Variants in EFCAB13 observed in about 807,000 individuals in gnomAD.
The protein encoded by EFCAB13 is EF-hand calcium binding domain 13.
A neutral mutation model predicts 110.2 loss-of-function variants in EFCAB13; 91 were observed. The observed-to-expected ratio is 0.83, with a 90% CI of 0.70 to 0.98. The LOEUF is 0.98. Among genes scored for constraint, EFCAB13 ranks in the 50% least tolerant of loss-of-function variants. The pLI, the probability that EFCAB13 is intolerant of heterozygous loss-of-function variation, is 0.00. For missense variants in EFCAB13, 968 were observed against 1,119.4 expected, an observed-to-expected ratio of 0.86 and a Z score of 1.93; for synonymous variants, 323 against 369.9, an observed-to-expected ratio of 0.87 and a Z score of 1.45.
intron 9 of EFCAB13, among the ~76,000 whole-genome samples, chr17:47,355,420 A>G (rs1416407871): frequency 1.3e-5 from 2 of 152,200 alleles, no homozygotes; most frequent in East Asian, 3.8e-4. Context: ...TTGGATGTCT[A>G]GATCTCTGAC....
chr17:47,407,214 T>C (rs533699432), intron 20 of EFCAB13, among the ~76,000 whole-genome samples: 2 of 152,342 alleles, frequency 1.3e-5, no homozygotes, highest in African/African-American at 4.8e-5. Flanking sequence ...AGCATACTTT[T>C]GTCTGTAGCA....
intron 24 of EFCAB13, 52 bp downstream of exon 24, chr17:47,430,013 G>C: frequency 6.6e-7 from 1 of 1,516,530 alleles, no homozygotes; most frequent in Non-Finnish European, 8.9e-7. Flanking sequence ...TACCACAGGG[G>C]TGGAAGGTCT....
intron 5 of EFCAB13, among the ~76,000 whole-genome samples, chr17:47,336,334 C>A (rs906244006): frequency 6.6e-6 from 1 of 150,752 alleles, no homozygotes; most frequent in African/African-American, 2.4e-5. Context: ...CTGTGTTGCC[C>A]AGGCTGGAGT....
chr17:47,345,991 G>GTC (rs1291961930), intron 8 of EFCAB13, among the ~76,000 whole-genome samples: 1 of 152,062 alleles, frequency 6.6e-6, no homozygotes, highest in Non-Finnish European at 1.5e-5. Context: ...AAACTTGCTA[G>GTC]TCTGAAATCT....
chr17:47,370,738 G>GTTTTT (rs764924546), intron 11 of EFCAB13, among the ~76,000 whole-genome samples: 13 of 127,194 alleles, frequency 1.0e-4, no homozygotes, highest in African/African-American at 1.8e-4. Flanking sequence ...GTTGTTGTTT[G>GTTTTT]TTTTTTTTTT....
intron 5 of EFCAB13, among the ~76,000 whole-genome samples, chr17:47,336,537 T>C (rs564543225): frequency 6.6e-6 from 1 of 151,826 alleles, no homozygotes; most frequent in African/African-American, 2.4e-5. Flanking sequence ...ATGATCCGCC[T>C]GCTTCTGCCT....
At chr17:47,422,112 AATTCTTTTTAGGAGTGC>A (rs1904740110) in intron 23 of EFCAB13, among the ~76,000 whole-genome samples, 1 of 152,172 alleles carries the variant, frequency 6.6e-6, no homozygotes, top group South Asian at 2.1e-4. Flanking sequence ...TCACAAGTTG[AATTCTTTTTAGGAGTGC>A]AATATTGGTA....
chr17:47,388,969 GT>G (rs2065691355), intron 14 of EFCAB13, among the ~76,000 whole-genome samples: 1 of 151,686 alleles, frequency 6.6e-6, no homozygotes, highest in African/African-American at 2.4e-5. Flanking sequence ...TTTCACTGTG[GT>G]TTTAGTTTTG....
chr17:47,376,986 G>C (rs2065618970), intron 12 of EFCAB13, among the ~76,000 whole-genome samples: 2 of 152,150 alleles, frequency 1.3e-5, no homozygotes, highest in Admixed American at 1.3e-4. Flanking sequence ...CAGTGCATCA[G>C]TAAGAAGCAC....
rs2065542939 is a variant in EFCAB13, at chr17:47,365,917, G to A, written c.805+4396G>A. 2.0e-5 allele frequency among the ~76,000 whole-genome samples: 3 copies of A among 152,104 alleles called. No individual in the cohort carries two copies. In the South Asian group the frequency reaches 6.2e-4, roughly 31 times the overall value. ...GATTTATGTTAGTATATGCTCTGGGGTCTGAGCTATTTTAATATTAAAGGA... is the reference window on the plus strand; with the variant it reads ...GATTTATGTTAGTATATGCTCTGGGATCTGAGCTATTTTAATATTAAAGGA... On this transcript the variant is annotated intron_variant, in intron 10 of 24. Coordinates refer to ENST00000331493, the MANE Select transcript of EFCAB13 (RefSeq NM_152347.5).
rs760035327 is a variant in EFCAB13, at chr17:47,344,222, T to C, written c.364T>C (p.Cys122Arg). 9 of 1,613,248 alleles carry C rather than the reference T, an allele frequency of 5.6e-6. No individual in the cohort carries two copies. The highest frequency in any genetic ancestry group is 6.8e-6 in the Non-Finnish European group (8 of 1,179,450). ...GGTGACAAGGAAAGAAAACTCTTTA[T>C]GCAAGTTGCCGAATCAGTACAGCGT... ...EKVTRKENSLCKLPNQYSVHK... is the reference protein window; with the variant it reads ...EKVTRKENSLRKLPNQYSVHK... Residue 122 changes from cysteine (C) to arginine (R), a missense_variant, in exon 7 of 25, where the codon TGC (cysteine) becomes CGC (arginine). Cys to Arg is a radical substitution (Grantham distance 180). Coordinates refer to ENST00000331493, the MANE Select transcript of EFCAB13 (RefSeq NM_152347.5).
chr17:47,326,254 C>G lies in EFCAB13; in HGVS notation c.-219C>G, dbSNP rs1359745055. 6.6e-6 allele frequency: 1 copy of G among 152,074 alleles called. No homozygotes were observed. Among genetic ancestry groups the G allele is most frequent in the African/African-American group, 2.4e-5 (1 of 41,396 alleles). The allele number at this position is 152,074 out of a possible 1,614,324, so 9.4% of individuals were successfully genotyped here. ...GGAGAGGCTTATGCGGTACCTGATT[C>G]ATCCAGCAAATTAAGACCTGCCAAC... On this transcript the variant is annotated 5_prime_UTR_variant, in exon 3 of 25. Transcript: ENST00000331493.
intron 4 of EFCAB13, 118 bp from the exon 5 acceptor site, chr17:47,335,077 CT>C: frequency 8.6e-7 from 1 of 1,157,388 alleles, no homozygotes; most frequent in Non-Finnish European, 1.2e-6. Context: ...ACAAAATTCT[CT>C]TCGGTAGCAC....
chr17:47,350,234 A>G (rs1204272443), intron 9 of EFCAB13, among the ~76,000 whole-genome samples: 4 of 152,190 alleles, frequency 2.6e-5, no homozygotes, highest in Non-Finnish European at 5.9e-5. Context: ...GGGCTGAGAA[A>G]AATGAGGAGT....
intron 22 of EFCAB13, among the ~76,000 whole-genome samples, chr17:47,413,702 C>T (rs1904327532): frequency 6.6e-6 from 1 of 152,076 alleles, no homozygotes; most frequent in Non-Finnish European, 1.5e-5. Context: ...ACATGAGATG[C>T]ATGCTGGGCC....
chr17:47,412,949 T>C (rs1055204494), intron 22 of EFCAB13, 33 bp downstream of exon 22: 117 of 1,580,662 alleles, frequency 7.4e-5, no homozygotes, highest in Non-Finnish European at 9.2e-5. Context: ...ATTCTTTTCA[T>C]TTTTTTTCTA....
intron 8 of EFCAB13, among the ~76,000 whole-genome samples, chr17:47,346,348 T>C (rs2065415657): frequency 6.6e-6 from 1 of 152,028 alleles, no homozygotes; most frequent in South Asian, 2.1e-4. Flanking sequence ...ATGTCCTTCA[T>C]ATTCATTCAT....
At chr17:47,400,634 CTCCCTCCCTCCTTTGCT>C (rs1306023735) in intron 17 of EFCAB13, among the ~76,000 whole-genome samples, 1 of 150,926 alleles carries the variant, frequency 6.6e-6, no homozygotes, top group African/African-American at 2.4e-5. Flanking sequence ...CCTTCCCACT[CTCCCTCCCTCCTTTGCT>C]TCCCTCCCTT....
At chr17:47,388,253 A>T (rs541610996) in intron 14 of EFCAB13, among the ~76,000 whole-genome samples, 1 of 152,270 alleles carries the variant, frequency 6.6e-6, no homozygotes, top group South Asian at 2.1e-4. Context: ...AAGCTGGCTG[A>T]CTGCCATGGT....
Sources: gnomAD v4.1 joint callset for allele counts (sites outside exome capture counted in the v4.1 genomes callset) on GRCh38, gnomAD v4.1.1 for gene constraint, MANE v1.5 for transcripts, NCBI Gene and HGNC (gene_info 2026-07-23, HGNC 2026-07-21) for gene names.